TMEM132C: variants seen among roughly 807,000 people sequenced by gnomAD.
TMEM132C encodes protein phosphatase 1, regulatory subunit 152.
A neutral mutation model predicts 61.4 loss-of-function variants in TMEM132C; 29 were observed. The observed-to-expected ratio is 0.47, with a 90% CI of 0.35 to 0.64. The LOEUF (loss-of-function observed/expected upper bound fraction) is 0.64. Ranked by LOEUF, TMEM132C falls within the 30% of genes least tolerant of loss-of-function variation. The pLI, the probability that TMEM132C is intolerant of heterozygous loss-of-function variation, is 0.00. For missense variants in TMEM132C, 1,408 were observed against 1,476.9 expected, an observed-to-expected ratio of 0.95 and a Z score of 0.76; for synonymous variants, 656 against 633.1, an observed-to-expected ratio of 1.04 and a Z score of -0.54.
chr12:128,645,113 G>C (rs1178040583), intron 4 of TMEM132C, among the ~76,000 whole-genome samples: 1 of 152,232 alleles, frequency 6.6e-6, no homozygotes, highest in South Asian at 2.1e-4. Flanking sequence ...GCGACCCTGA[G>C]GGGGGACTCC....
chr12:128,515,978 T>C (rs1872704919), intron 2 of TMEM132C, among the ~76,000 whole-genome samples: 1 of 152,134 alleles, frequency 6.6e-6, no homozygotes, highest in Non-Finnish European at 1.5e-5. Context: ...GTCGGGCCCA[T>C]GTCCGTGCCA....
chr12:128,623,450 TA>T (rs1172310317), intron 4 of TMEM132C, among the ~76,000 whole-genome samples: 2 of 145,380 alleles, frequency 1.4e-5, no homozygotes, highest in East Asian at 3.9e-4. Flanking sequence ...TATATAATTT[TA>T]AAAAAATGAA....
intron 4 of TMEM132C, among the ~76,000 whole-genome samples, chr12:128,652,566 C>G: frequency 6.6e-6 from 1 of 152,250 alleles, no homozygotes; most frequent in East Asian, 1.9e-4. Context: ...GCAGGATTCA[C>G]AGAAGACAGA....
At chr12:128,410,693 C>T (rs142855418) in intron 1 of TMEM132C, among the ~76,000 whole-genome samples, 130 of 152,200 alleles carry the variant, frequency 8.5e-4, no homozygotes, top group African/African-American at 3.0e-3. Context: ...CGTGAGCCAC[C>T]GCGCCTGGCC....
chr12:128,403,378 C>T (rs906123409), intron 1 of TMEM132C, among the ~76,000 whole-genome samples: 1 of 152,170 alleles, frequency 6.6e-6, no homozygotes, highest in Non-Finnish European at 1.5e-5. Flanking sequence ...CCAGAGATGT[C>T]TGATGCAGGA....
At chr12:128,565,690 ACT>A (rs1360329599) in intron 3 of TMEM132C, among the ~76,000 whole-genome samples, 3 of 152,232 alleles carry the variant, frequency 2.0e-5, no homozygotes, top group African/African-American at 7.2e-5. Flanking sequence ...ATTAAAAGTA[ACT>A]CATCCAAAAC....
chr12:128,413,371 A>C (rs1868639624), intron 1 of TMEM132C, among the ~76,000 whole-genome samples: 1 of 148,026 alleles, frequency 6.8e-6, no homozygotes, highest in African/African-American at 2.5e-5. Flanking sequence ...TGATTGCCAG[A>C]GGTGTATCTT....
intron 2 of TMEM132C, among the ~76,000 whole-genome samples, chr12:128,509,007 C>A (rs867708966): frequency 1.3e-5 from 2 of 152,298 alleles, no homozygotes; most frequent in African/African-American, 4.8e-5. Context: ...CCCCAGTGTC[C>A]TGCCTGGCCC....
chr12:128,270,546 G>T (rs186177919), intron 1 of TMEM132C, among the ~76,000 whole-genome samples: 1 of 152,296 alleles, frequency 6.6e-6, no homozygotes, highest in Admixed American at 6.5e-5. Context: ...TGGGTTTCTG[G>T]TAAGGGATTT....
intron 2 of TMEM132C, among the ~76,000 whole-genome samples, chr12:128,476,468 G>C (rs567900324): frequency 6.6e-6 from 1 of 152,292 alleles, no homozygotes; most frequent in Middle Eastern, 3.4e-3. Context: ...TTTCTCACGT[G>C]GCTTGCAGCT....
chr12:128,644,880 A>G (rs1593131613), intron 4 of TMEM132C, among the ~76,000 whole-genome samples: 1 of 152,136 alleles, frequency 6.6e-6, no homozygotes, highest in Admixed American at 6.5e-5. Flanking sequence ...GTTTGCTGGG[A>G]CGCGTTGTGC....
chr12:128,361,600 GT>G (rs1174980023), intron 1 of TMEM132C, among the ~76,000 whole-genome samples: 2 of 151,984 alleles, frequency 1.3e-5, no homozygotes, highest in African/African-American at 2.4e-5. Flanking sequence ...ATCTTGAACT[GT>G]TTTCAAGCGT....
intron 1 of TMEM132C, among the ~76,000 whole-genome samples, chr12:128,299,224 C>T (rs1871518902): frequency 6.6e-6 from 1 of 152,214 alleles, no homozygotes. Flanking sequence ...GTCCCAGGGG[C>T]TCTGTGCTGC....
chr12:128,380,408 T>G (rs1048986786), intron 1 of TMEM132C, among the ~76,000 whole-genome samples: 4 of 152,264 alleles, frequency 2.6e-5, no homozygotes, highest in Non-Finnish European at 4.4e-5. Context: ...GTACCAGACC[T>G]GTAATGCCTT....
At chr12:128,584,123 T>C (rs1593108897) in intron 3 of TMEM132C, among the ~76,000 whole-genome samples, 1 of 152,340 alleles carries the variant, frequency 6.6e-6, no homozygotes, top group African/African-American at 2.4e-5. Flanking sequence ...TGAGGCAATC[T>C]TCTTGCTGGC....
chr12:128,285,072 G>A (rs1871013919), intron 1 of TMEM132C, among the ~76,000 whole-genome samples: 2 of 152,164 alleles, frequency 1.3e-5, no homozygotes, highest in Non-Finnish European at 2.9e-5. Flanking sequence ...GACCTTCAGA[G>A]GTGGAGGTTG....
chr12:128,703,851 G>A (rs181633029), intron 8 of TMEM132C, among the ~76,000 whole-genome samples: 7 of 152,330 alleles, frequency 4.6e-5, no homozygotes, highest in East Asian at 1.9e-4. Flanking sequence ...GACCCACAGC[G>A]AGTGCCCAGT....
At chr12:128,565,193 C>T (rs757643249) in intron 3 of TMEM132C, among the ~76,000 whole-genome samples, 1 of 152,178 alleles carries the variant, frequency 6.6e-6, no homozygotes, top group Non-Finnish European at 1.5e-5. Flanking sequence ...GGAACTGAAG[C>T]TGCCAGCCCA....
intron 1 of TMEM132C, among the ~76,000 whole-genome samples, chr12:128,364,325 G>T (rs7957866): frequency 1.0e-4 from 2 of 19,732 alleles, no homozygotes; most frequent in Admixed American, 6.0e-4. Flanking sequence ...TCCCCTCCCC[G>T]CCCCCGCATC....
Sources: allele counts gnomAD v4.1 joint callset (sites outside exome capture counted in the v4.1 genomes callset), GRCh38; gene constraint gnomAD v4.1.1; transcripts MANE v1.5; gene names NCBI Gene and HGNC (gene_info 2026-07-23, HGNC 2026-07-21).